Variants in CNTNAP2 observed in about 807,000 individuals in gnomAD.
CNTNAP2 encodes the protein contactin-associated protein-like 2.
In CNTNAP2, 98 loss-of-function variants were observed where a neutral mutation model predicts 155.2. The ratio of observed to expected loss-of-function variants is 0.63; its 90% CI spans 0.54 to 0.75. The LOEUF (loss-of-function observed/expected upper bound fraction) is 0.75. Among genes scored for constraint, CNTNAP2 ranks in the 30% least tolerant of loss-of-function variants. The pLI is 0.00. For missense variants in CNTNAP2, 1,727 were observed against 1,688.1 expected (o/e 1.02, Z -0.40); for synonymous variants, 651 against 631.2 (o/e 1.03, Z -0.47).
intron 15 of CNTNAP2, among the ~76,000 whole-genome samples, chr7:148,006,747 G>C (rs922756574): frequency 8.7e-5 from 13 of 150,184 alleles, no homozygotes; most frequent in Admixed American, 8.6e-4. Flanking sequence ...TTTAGCATGT[G>C]CTCAGAGGAA....
intron 10 of CNTNAP2, among the ~76,000 whole-genome samples, chr7:147,429,981 A>G (rs1053601094): frequency 6.6e-6 from 1 of 152,116 alleles, no homozygotes; most frequent in Non-Finnish European, 1.5e-5. Context: ...TATAGTTTGA[A>G]GTTGGGTAAT....
intron 15 of CNTNAP2, among the ~76,000 whole-genome samples, chr7:148,033,752 T>C (rs1802524415): frequency 6.6e-6 from 1 of 152,208 alleles, no homozygotes; most frequent in Admixed American, 6.5e-5. Flanking sequence ...TTTTTTATAG[T>C]ATGTGCAAGT....
chr7:147,076,791 TA>T (rs1426776774), intron 4 of CNTNAP2, among the ~76,000 whole-genome samples: 1 of 152,200 alleles, frequency 6.6e-6, no homozygotes, highest in Non-Finnish European at 1.5e-5. Context: ...TCTACTTTAA[TA>T]GACGTTCTGG....
intron 5 of CNTNAP2, among the ~76,000 whole-genome samples, chr7:147,118,524 A>C (rs540641476): frequency 2.0e-5 from 3 of 152,276 alleles, no homozygotes; most frequent in African/African-American, 7.2e-5. Context: ...ATATGCAGTC[A>C]TGTGTCACTT....
intron 9 of CNTNAP2, among the ~76,000 whole-genome samples, chr7:147,371,246 G>GATCT (rs1307858525): frequency 6.6e-6 from 1 of 152,054 alleles, no homozygotes; most frequent in Admixed American, 6.6e-5. Context: ...TTAGCTGAGT[G>GATCT]ATCTACTTTT....
At chr7:146,907,442 A>C (rs1796159583) in intron 3 of CNTNAP2, among the ~76,000 whole-genome samples, 1 of 145,858 alleles carries the variant, frequency 6.9e-6, no homozygotes, top group Non-Finnish European at 1.5e-5. Flanking sequence ...TCAGACTAAC[A>C]GCGGATCTCT....
At chr7:147,976,073 T>G (rs1801421925) in intron 14 of CNTNAP2, among the ~76,000 whole-genome samples, 1 of 152,208 alleles carries the variant, frequency 6.6e-6, no homozygotes, top group Admixed American at 6.5e-5. Flanking sequence ...GAACACTGAA[T>G]TTTATAGCAT....
chr7:147,498,058 C>A (rs1239479886), intron 11 of CNTNAP2, among the ~76,000 whole-genome samples: 1 of 151,958 alleles, frequency 6.6e-6, no homozygotes, highest in Non-Finnish European at 1.5e-5. Context: ...GTATTAGATG[C>A]CCTTGAGTAA....
intron 18 of CNTNAP2, among the ~76,000 whole-genome samples, chr7:148,187,698 C>T (rs1033389077): frequency 1.3e-5 from 2 of 152,136 alleles, no homozygotes; most frequent in Non-Finnish European, 2.9e-5. Context: ...AGCTTCCGGC[C>T]GCTCAAGCTA....
chr7:146,778,997 T>C (rs1012308561), intron 2 of CNTNAP2, among the ~76,000 whole-genome samples: 13 of 152,124 alleles, frequency 8.5e-5, no homozygotes, highest in African/African-American at 2.9e-4. Context: ...GGGGAAACGA[T>C]AACAGGCTAT....
intron 9 of CNTNAP2, among the ~76,000 whole-genome samples, chr7:147,326,079 C>T (rs34517724): frequency 0.19 from 29,420 of 152,030 alleles, 3,541 homozygotes; most frequent in Non-Finnish European, 0.26. Context: ...CACGCCACCA[C>T]ACCCGGCTAA....
At chr7:148,212,142 G>GT (rs79394797) in intron 18 of CNTNAP2, among the ~76,000 whole-genome samples, 76 of 148,054 alleles carry the variant, frequency 5.1e-4, no homozygotes, top group Middle Eastern at 3.5e-3. Context: ...TTTTTTGTGG[G>GT]TTTTTTTTTT....
intron 11 of CNTNAP2, among the ~76,000 whole-genome samples, chr7:147,550,877 G>A (rs927228547): frequency 5.9e-5 from 9 of 152,254 alleles, no homozygotes; most frequent in South Asian, 2.1e-4. Flanking sequence ...TAGTATATAC[G>A]TTTGTGTGTG....
chr7:147,261,555 T>TA (rs562044500), intron 8 of CNTNAP2, among the ~76,000 whole-genome samples: 19,039 of 146,740 alleles, frequency 0.13, 1,290 homozygotes, highest in Non-Finnish European at 0.16. Context: ...AGGGATACTT[T>TA]AAAAAAAAAA....
chr7:146,991,313 G>A (rs920063148), intron 3 of CNTNAP2, among the ~76,000 whole-genome samples: 1 of 152,056 alleles, frequency 6.6e-6, no homozygotes, highest in Non-Finnish European at 1.5e-5. Context: ...AATGTAGCTA[G>A]AGAATTTAAT....
At chr7:147,528,062 T>G (rs1799358136) in intron 11 of CNTNAP2, among the ~76,000 whole-genome samples, 1 of 152,166 alleles carries the variant, frequency 6.6e-6, no homozygotes, top group Non-Finnish European at 1.5e-5. Context: ...TGGTTCAGGG[T>G]GGACTCTAAG....
At chr7:147,431,426 C>G (rs1183283576) in intron 10 of CNTNAP2, among the ~76,000 whole-genome samples, 1 of 152,194 alleles carries the variant, frequency 6.6e-6, no homozygotes, top group African/African-American at 2.4e-5. Flanking sequence ...AACCAAATCA[C>G]TGCCATCAGC....
intron 3 of CNTNAP2, among the ~76,000 whole-genome samples, chr7:146,896,244 T>C (rs2129212526): frequency 6.6e-6 from 1 of 152,210 alleles, no homozygotes; most frequent in South Asian, 2.1e-4. Flanking sequence ...CAGGCTCATT[T>C]ATTATCACCC....
intron 14 of CNTNAP2, among the ~76,000 whole-genome samples, chr7:147,913,323 G>C (rs1800100535): frequency 6.6e-6 from 1 of 152,054 alleles, no homozygotes; most frequent in Non-Finnish European, 1.5e-5. Flanking sequence ...CCAAATTCAG[G>C]AGCAATATGG....
Sources: allele counts gnomAD v4.1 joint callset (sites outside exome capture counted in the v4.1 genomes callset), GRCh38; gene constraint gnomAD v4.1.1; transcripts MANE v1.5; gene names NCBI Gene and HGNC (gene_info 2026-07-23, HGNC 2026-07-21).